Variants in NRCAM observed in about 807,000 individuals in gnomAD.
The protein encoded by NRCAM is NgCAM-related cell adhesion molecule.
NRCAM carries 83 observed loss-of-function variants against 156.5 expected under a neutral mutation model. That is an observed-to-expected ratio of 0.53 (90% confidence interval 0.44 to 0.64). The LOEUF (loss-of-function observed/expected upper bound fraction) is 0.64, where lower values mean the gene tolerates loss of function less well. NRCAM is among the 30% of genes least tolerant of loss of function. The pLI, the probability that NRCAM is intolerant of heterozygous loss-of-function variation, is 0.00. For missense variants in NRCAM, 1,417 were observed against 1,597.3 expected (o/e 0.89, Z 1.92); for synonymous variants, 538 against 563.9 (o/e 0.95, Z 0.65).
rs773043323 is a variant in NRCAM at position 108,176,428 on chromosome 7, A to G, written c.3151+2T>C. The G allele has an allele frequency of 3.7e-6, 6 of 1,610,804 alleles. No individual in the cohort carries two copies. The highest frequency in any genetic ancestry group is 5.1e-6 in the Non-Finnish European group (6 of 1,178,010). On this transcript the variant is annotated splice_donor_variant, in intron 27 of 32. Transcript: ENST00000379028. LOFTEE classifies it high-confidence loss of function. ...TATGGATTTTATACATACCCATCTT[A>G]CCTTCATCCACAGTTGTTACTGCTT...
chr7:108,157,813 G>C (rs1467298747), intron 32 of NRCAM, among the ~76,000 whole-genome samples: 1 of 152,048 alleles, frequency 6.6e-6, no homozygotes, highest in Non-Finnish European at 1.5e-5. Context: ...GATTCACTGA[G>C]GCATGATAAT....
At chr7:108,205,152 C>A (rs1479492217) in intron 13 of NRCAM, among the ~76,000 whole-genome samples, 1 of 152,080 alleles carries the variant, frequency 6.6e-6, no homozygotes, top group Non-Finnish European at 1.5e-5. Context: ...TGAGGGTTTC[C>A]CCCTCATGAA....
intron 15 of NRCAM, among the ~76,000 whole-genome samples, chr7:108,195,301 T>C (rs2074358236): frequency 6.6e-6 from 1 of 152,174 alleles, no homozygotes; most frequent in Non-Finnish European, 1.5e-5. Flanking sequence ...AGTTAATAAA[T>C]ATTTGTGAAA....
At chr7:108,280,268 A>C (rs2097799047) in intron 3 of NRCAM, among the ~76,000 whole-genome samples, 1 of 152,234 alleles carries the variant, frequency 6.6e-6, no homozygotes, top group South Asian at 2.1e-4. Flanking sequence ...TCCTTTCACC[A>C]GAACAAGCTG....
At chr7:108,450,965 T>A (rs1849599762) in intron 1 of NRCAM, among the ~76,000 whole-genome samples, 1 of 152,232 alleles carries the variant, frequency 6.6e-6, no homozygotes, top group Admixed American at 6.5e-5. Flanking sequence ...ACGCTTGTAA[T>A]CTCAGCACTT....
chr7:108,349,414 G>A (rs150632428), intron 2 of NRCAM, among the ~76,000 whole-genome samples: 4,479 of 151,688 alleles, frequency 0.03, 225 homozygotes, highest in African/African-American at 0.1. Context: ...GACTACAGGC[G>A]CCTGCCACCA....
In NRCAM at chr7:108,312,709, C is replaced by G. The variant is rs980573240; in HGVS notation, c.-151G>C. The G allele has an allele frequency of 6.6e-6, 1 of 152,160 alleles. No individual in the cohort carries two copies. The allele number at this position is 152,160 out of a possible 1,614,324, so 9.4% of individuals were successfully genotyped here. On this transcript the variant is annotated 5_prime_UTR_variant, in exon 3 of 33. Transcript: ENST00000379028. ...TTGTTCTTCCTTTTAATTCTTTAAA[C>G]CAAACGTCTTCTTAGCATTGCTCTG...
chr7:108,176,319 C>A (rs1470786646), intron 27 of NRCAM, 111 bp downstream of exon 27: 1 of 891,232 alleles, frequency 1.1e-6, no homozygotes, highest in Non-Finnish European at 1.8e-6. Context: ...TAAGTGTTTG[C>A]GTTAATCAGG....
At chr7:108,232,629 T>C in intron 6 of NRCAM, 107 bp from the exon 7 acceptor site, 1 of 718,268 alleles carries the variant, frequency 1.4e-6, no homozygotes, top group Non-Finnish European at 2.2e-6. Context: ...TACCAGATTT[T>C]AATATTCAGT....
chr7:108,448,839 G>C (rs1847300625), intron 1 of NRCAM, among the ~76,000 whole-genome samples: 1 of 152,088 alleles, frequency 6.6e-6, no homozygotes, highest in Non-Finnish European at 1.5e-5. Flanking sequence ...AAAAAACACT[G>C]GTTAGACAAT....
chr7:108,335,749 C>T (rs1259745966), intron 2 of NRCAM, among the ~76,000 whole-genome samples: 1 of 152,040 alleles, frequency 6.6e-6, no homozygotes, highest in African/African-American at 2.4e-5. Flanking sequence ...GAACAGTGTC[C>T]TCTCGTATCT....
chr7:108,194,572 T>C (rs1415875309), intron 15 of NRCAM, 144 bp from the exon 16 acceptor site: 13 of 581,956 alleles, frequency 2.2e-5, no homozygotes, highest in East Asian at 1.8e-4. Flanking sequence ...AAAGTATCAA[T>C]AGGAAAATAA....
chr7:108,403,858 C>T (rs912369844), intron 1 of NRCAM, among the ~76,000 whole-genome samples: 5 of 152,152 alleles, frequency 3.3e-5, no homozygotes, highest in Non-Finnish European at 7.3e-5. Flanking sequence ...CATCGGTATC[C>T]CCTTGCCAAA....
intron 2 of NRCAM, among the ~76,000 whole-genome samples, chr7:108,346,756 C>A (rs2099357755): frequency 6.6e-6 from 1 of 152,102 alleles, no homozygotes; most frequent in Non-Finnish European, 1.5e-5. Context: ...ATCCAGTAAT[C>A]ACTAACCACA....
At chr7:108,189,771 A>T in intron 19 of NRCAM, 25 bp from the exon 20 acceptor site, 2 of 831,328 alleles carry the variant, frequency 2.4e-6, no homozygotes, top group Non-Finnish European at 4.1e-6. Context: ...TACACACATC[A>T]TGGTCACGCA....
At chr7:108,228,556 T>C (rs919258311) in intron 8 of NRCAM, among the ~76,000 whole-genome samples, 1 of 152,304 alleles carries the variant, frequency 6.6e-6, no homozygotes, top group East Asian at 1.9e-4. Context: ...TTGCAAGAAG[T>C]ATGCTATATA....
chr7:108,324,466 T>C (rs1267516263), intron 2 of NRCAM, among the ~76,000 whole-genome samples: 1 of 152,054 alleles, frequency 6.6e-6, no homozygotes, highest in African/African-American at 2.4e-5. Flanking sequence ...TTTAAAAGGG[T>C]TCAAACAGGC....
intron 8 of NRCAM, among the ~76,000 whole-genome samples, chr7:108,228,288 C>A (rs531893390): frequency 3.0e-4 from 45 of 151,960 alleles, no homozygotes; most frequent in African/African-American, 1.0e-3. Context: ...TGCCACTGCA[C>A]TCCAGCCTGG....
chr7:108,246,354 T>C (rs2267878), intron 3 of NRCAM, among the ~76,000 whole-genome samples: 43,588 of 152,010 alleles, frequency 0.29, 6,721 homozygotes, highest in African/African-American at 0.39. Flanking sequence ...GTGAGTTGAC[T>C]TGGCTGCTTG....
Sources: gnomAD v4.1 joint callset for allele counts (sites outside exome capture counted in the v4.1 genomes callset) on GRCh38, gnomAD v4.1.1 for gene constraint, MANE v1.5 for transcripts, NCBI Gene and HGNC (gene_info 2026-07-23, HGNC 2026-07-21) for gene names.